Variants in TMEM132D observed in about 807,000 individuals in gnomAD.
TMEM132D encodes mature OL transmembrane protein.
Under a neutral mutation model 62.3 loss-of-function variants are expected in TMEM132D, and 21 were observed. The observed-to-expected ratio is 0.34, with a 90% CI of 0.24 to 0.49. The LOEUF (loss-of-function observed/expected upper bound fraction) is 0.49, where lower values mean the gene tolerates loss of function less well. TMEM132D is among the 20% of genes least tolerant of loss of function. The pLI is 0.99. For missense variants in TMEM132D, 1,346 were observed against 1,402.8 expected (o/e 0.96, Z 0.65); for synonymous variants, 621 against 575.6 (o/e 1.08, Z -1.13).
intron 2 of TMEM132D, among the ~76,000 whole-genome samples, chr12:129,664,388 C>CTTT (rs903729413): frequency 4.2e-5 from 6 of 143,414 alleles, no homozygotes; most frequent in Non-Finnish European, 7.7e-5. Flanking sequence ...TTTTGAAATG[C>CTTT]TTTTTCTATC....
intron 5 of TMEM132D, among the ~76,000 whole-genome samples, chr12:129,157,926 C>A (rs1347634736): frequency 1.3e-5 from 2 of 151,992 alleles, no homozygotes; most frequent in African/African-American, 2.4e-5. Context: ...GCATGGCATG[C>A]TGGTGGAGGT....
At chr12:129,872,184 A>T (rs1328476520) in intron 1 of TMEM132D, among the ~76,000 whole-genome samples, 1 of 152,232 alleles carries the variant, frequency 6.6e-6, no homozygotes, top group Non-Finnish European at 1.5e-5. Context: ...ATAGGATTAA[A>T]TTCCTCTATT....
chr12:129,098,645 T>G (rs74602324), intron 5 of TMEM132D, among the ~76,000 whole-genome samples: 1,926 of 152,264 alleles, frequency 0.013, 42 homozygotes, highest in African/African-American at 0.043. Flanking sequence ...ACGTATGTGG[T>G]AGACTGCATT....
intron 1 of TMEM132D, among the ~76,000 whole-genome samples, chr12:129,788,927 G>A (rs2137296889): frequency 6.6e-6 from 1 of 152,270 alleles, no homozygotes; most frequent in Non-Finnish European, 1.5e-5. Context: ...AGGCAGGGAT[G>A]CCGTGAGTGA....
chr12:129,434,965 C>G (rs2135718218), intron 3 of TMEM132D, among the ~76,000 whole-genome samples: 1 of 152,290 alleles, frequency 6.6e-6, no homozygotes, highest in Non-Finnish European at 1.5e-5. Context: ...CACCATCCCC[C>G]AGCCCCAGTA....
intron 3 of TMEM132D, among the ~76,000 whole-genome samples, chr12:129,438,513 G>T (rs1228722462): frequency 6.6e-6 from 1 of 152,080 alleles, no homozygotes; most frequent in Non-Finnish European, 1.5e-5. Context: ...AAGAAACCAG[G>T]CACAAAATAG....
chr12:129,627,289 T>C (rs1879246556), intron 2 of TMEM132D, among the ~76,000 whole-genome samples: 1 of 152,238 alleles, frequency 6.6e-6, no homozygotes, highest in Admixed American at 6.5e-5. Context: ...ACTGTACATT[T>C]TCTATGCTTA....
chr12:129,091,363 C>A (rs1874909269), intron 5 of TMEM132D, among the ~76,000 whole-genome samples: 1 of 150,704 alleles, frequency 6.6e-6, no homozygotes, highest in Non-Finnish European at 1.5e-5. Context: ...CTCTGGGGAC[C>A]CTTCCTAAGC....
intron 2 of TMEM132D, among the ~76,000 whole-genome samples, chr12:129,571,440 C>T (rs117080780): frequency 5.3e-3 from 809 of 152,084 alleles, no homozygotes; most frequent in Non-Finnish European, 8.2e-3. Flanking sequence ...GCCGTGGTGG[C>T]GCACGTCTAC....
In TMEM132D at chr12:129,497,046, G is replaced by A. The variant is rs575678041; in HGVS notation, c.1115+34013C>T. ...TTGCTGGCCGGGCGCAGTGGCTCAC[G>A]CCTGTCATCCCAGCACTTTGAGAGG... On this transcript the variant is annotated intron_variant, in intron 3 of 8. Coordinates refer to ENST00000422113, the MANE Select transcript of TMEM132D (RefSeq NM_133448.3). Among the ~76,000 whole-genome samples the A allele has an allele frequency of 1.8e-4, 27 of 152,248 alleles. No homozygotes were observed. The South Asian group carries it at 3.7e-3, about 21-fold the overall frequency.
chr12:129,219,488 G>A (rs1355246384), intron 4 of TMEM132D, among the ~76,000 whole-genome samples: 1 of 152,144 alleles, frequency 6.6e-6, no homozygotes, highest in African/African-American at 2.4e-5. Context: ...CAGCACGAAC[G>A]AGGGCCAAGA....
At chr12:129,109,145 A>G (rs1242076529) in intron 5 of TMEM132D, among the ~76,000 whole-genome samples, 1 of 152,242 alleles carries the variant, frequency 6.6e-6, no homozygotes, top group Non-Finnish European at 1.5e-5. Flanking sequence ...GTTAGAAGAC[A>G]CCAATAGGAT....
At chr12:129,078,076 G>A (rs971054975) in intron 8 of TMEM132D, among the ~76,000 whole-genome samples, 2 of 152,130 alleles carry the variant, frequency 1.3e-5, no homozygotes, top group African/African-American at 2.4e-5. Context: ...GCGATCTCCC[G>A]CCACAGGCTC....
In TMEM132D at chr12:129,382,867, G is replaced by A. The variant is rs191844306; in HGVS notation, c.1116-45050C>T. 2.3e-3 allele frequency among the ~76,000 whole-genome samples: 351 copies of A among 152,210 alleles called. 2 individuals are homozygous for A. Among genetic ancestry groups the A allele is most frequent in the African/African-American group, 7.7e-3 (320 of 41,520 alleles). Reference sequence around the variant, plus strand: ...ACGGCTGGTGGTGCTGTTGCGGTCCGTGTTTCCGCTCAGTCTTTTGGTAGA... The same window carrying A: ...ACGGCTGGTGGTGCTGTTGCGGTCCATGTTTCCGCTCAGTCTTTTGGTAGA... On this transcript the variant is annotated intron_variant, in intron 3 of 8. Coordinates refer to ENST00000422113, the MANE Select transcript of TMEM132D (RefSeq NM_133448.3).
At chr12:129,092,307 T>C (rs1874951178) in intron 5 of TMEM132D, among the ~76,000 whole-genome samples, 2 of 150,762 alleles carry the variant, frequency 1.3e-5, no homozygotes, top group African/African-American at 4.9e-5. Flanking sequence ...TCTTTCCTTT[T>C]TTTTTTTTTT....
At chr12:129,155,663 G>A (rs1349689113) in intron 5 of TMEM132D, among the ~76,000 whole-genome samples, 1 of 152,210 alleles carries the variant, frequency 6.6e-6, no homozygotes, top group East Asian at 1.9e-4. Flanking sequence ...GGGGGCAGAC[G>A]GCCAAAGGCC....
chr12:129,898,429 A>G (rs1875221286), intron 1 of TMEM132D, among the ~76,000 whole-genome samples: 1 of 152,256 alleles, frequency 6.6e-6, no homozygotes, highest in Non-Finnish European at 1.5e-5. Context: ...GAAAGGCAGA[A>G]GTGCACTCCC....
At position 129,627,157 on chromosome 12, in the gene TMEM132D, G is replaced by C. The variant is rs1472905297; in HGVS notation, c.968+72653C>G. Among the ~76,000 whole-genome samples, 9 of 152,118 alleles carry C rather than the reference G, an allele frequency of 5.9e-5. No individual in the cohort carries two copies. The South Asian group carries it at 1.9e-3, about 32-fold the overall frequency. On this transcript the variant is annotated intron_variant, in intron 2 of 8. Transcript: ENST00000422113. ...TACACATGACGAGAACTAGGCAAGAGAGCAGTTCACCTGACCTCCCCAAAC... is the reference window on the plus strand; with the variant it reads ...TACACATGACGAGAACTAGGCAAGACAGCAGTTCACCTGACCTCCCCAAAC...
intron 2 of TMEM132D, among the ~76,000 whole-genome samples, chr12:129,564,712 C>T (rs148404564): frequency 2.0e-5 from 3 of 152,266 alleles, no homozygotes; most frequent in Admixed American, 6.5e-5. Context: ...TGAGGGAACC[C>T]CAAGATATTT....
Sources: allele counts gnomAD v4.1 joint callset (sites outside exome capture counted in the v4.1 genomes callset), GRCh38; gene constraint gnomAD v4.1.1; transcripts MANE v1.5; gene names NCBI Gene and HGNC (gene_info 2026-07-23, HGNC 2026-07-21).